NLGN1: variants seen among roughly 807,000 people sequenced by gnomAD.
The protein encoded by NLGN1 is neuroligin-1.
In NLGN1, 12 loss-of-function variants were observed where a neutral mutation model predicts 65.5. The ratio of observed to expected loss-of-function variants is 0.18; its 90% CI spans 0.12 to 0.30. NLGN1 has a LOEUF of 0.30. Among genes scored for constraint, NLGN1 ranks in the 10% least tolerant of loss-of-function variants. The pLI, the probability that NLGN1 is intolerant of heterozygous loss-of-function variation, is 1.00. For missense variants in NLGN1, 750 were observed against 1,007.1 expected, an observed-to-expected ratio of 0.74 and a Z score of 3.46; for synonymous variants, 350 against 359.5, an observed-to-expected ratio of 0.97 and a Z score of 0.30.
chr3:173,627,289 T>G (rs917592515), intron 3 of NLGN1, among the ~76,000 whole-genome samples: 1 of 152,180 alleles, frequency 6.6e-6, no homozygotes, highest in Non-Finnish European at 1.5e-5. Flanking sequence ...CACATATCAA[T>G]GAGGTCACAC....
At chr3:173,698,849 T>A (rs1249469311) in intron 3 of NLGN1, among the ~76,000 whole-genome samples, 5 of 151,258 alleles carry the variant, frequency 3.3e-5, no homozygotes, top group African/African-American at 7.2e-5. Context: ...AACAGGAATT[T>A]TTTTTGTTGT....
chr3:173,798,594 G>A (rs1714693373), intron 3 of NLGN1, among the ~76,000 whole-genome samples: 1 of 152,040 alleles, frequency 6.6e-6, no homozygotes, highest in Admixed American at 6.6e-5. Flanking sequence ...GTACATTTCT[G>A]TGAACTTGCA....
At chr3:174,021,999 G>A (rs1241523399) in intron 4 of NLGN1, among the ~76,000 whole-genome samples, 4 of 152,066 alleles carry the variant, frequency 2.6e-5, no homozygotes, top group African/African-American at 9.7e-5. Context: ...TGAGAAGAGG[G>A]TTCAGTTGTG....
chr3:173,413,159 A>G (rs929751716), intron 1 of NLGN1, among the ~76,000 whole-genome samples: 4 of 152,082 alleles, frequency 2.6e-5, no homozygotes, highest in African/African-American at 4.8e-5. Flanking sequence ...CGATGGACTA[A>G]GGAAGTCGGG....
At chr3:173,927,143 A>T (rs1187570244) in intron 4 of NLGN1, among the ~76,000 whole-genome samples, 1 of 152,014 alleles carries the variant, frequency 6.6e-6, no homozygotes, top group Non-Finnish European at 1.5e-5. Context: ...GGCTCACTGC[A>T]ACCTACACCT....
intron 4 of NLGN1, among the ~76,000 whole-genome samples, chr3:174,052,344 A>G (rs190572049): frequency 6.6e-6 from 1 of 152,122 alleles, no homozygotes; most frequent in East Asian, 1.9e-4. Flanking sequence ...ATTAATTATT[A>G]TATTTTCCCT....
chr3:173,794,079 C>G (rs1018594480), intron 3 of NLGN1, among the ~76,000 whole-genome samples: 2 of 151,934 alleles, frequency 1.3e-5, no homozygotes. Context: ...TTTCTTTCCC[C>G]GAAATCTTCT....
chr3:173,615,785 A>T (rs1001812899), intron 3 of NLGN1, among the ~76,000 whole-genome samples: 1 of 151,374 alleles, frequency 6.6e-6, no homozygotes, highest in Non-Finnish European at 1.5e-5. Context: ...TACCTATACA[A>T]ATCTCTTTAA....
At chr3:173,727,075 A>G (rs1268547578) in intron 3 of NLGN1, among the ~76,000 whole-genome samples, 2 of 152,142 alleles carry the variant, frequency 1.3e-5, no homozygotes, top group Non-Finnish European at 2.9e-5. Flanking sequence ...GGCAGCGTCT[A>G]TCAATTGAGA....
intron 4 of NLGN1, among the ~76,000 whole-genome samples, chr3:174,199,357 T>C (rs1270616550): frequency 1.3e-5 from 2 of 151,736 alleles, no homozygotes; most frequent in Non-Finnish European, 2.9e-5. Context: ...TTTTAAGTGT[T>C]TGATCAATGT....
chr3:173,472,769 G>A (rs1446419128), intron 2 of NLGN1, among the ~76,000 whole-genome samples: 1 of 152,052 alleles, frequency 6.6e-6, no homozygotes, highest in Non-Finnish European at 1.5e-5. Flanking sequence ...TGCGACTATA[G>A]CATCTTTTTT....
intron 2 of NLGN1, among the ~76,000 whole-genome samples, chr3:173,489,252 AG>A (rs1418986223): frequency 6.6e-6 from 1 of 150,558 alleles, no homozygotes; most frequent in Admixed American, 6.6e-5. Flanking sequence ...ACCCCACAAC[AG>A]GCCCCAGTGT....
At chr3:173,720,216 C>A (rs1178668882) in intron 3 of NLGN1, among the ~76,000 whole-genome samples, 8 of 152,138 alleles carry the variant, frequency 5.3e-5, no homozygotes, top group Non-Finnish European at 1.0e-4. Flanking sequence ...TAAACAAAAT[C>A]TTTATTTTTA....
chr3:174,290,222 G>T (rs190987792), downstream of NLGN1, among the ~76,000 whole-genome samples: 1 of 150,672 alleles, frequency 6.6e-6, no homozygotes, highest in Non-Finnish European at 1.5e-5. Context: ...TTTGTCTACC[G>T]TATTTCATGA....
intron 4 of NLGN1, among the ~76,000 whole-genome samples, chr3:174,110,904 C>T (rs1715061667): frequency 6.6e-6 from 1 of 151,846 alleles, no homozygotes; most frequent in Admixed American, 6.6e-5. Flanking sequence ...AGAGAACAAT[C>T]TCTCTATGGC....
intron 1 of NLGN1, among the ~76,000 whole-genome samples, chr3:173,410,367 C>T (rs1712275453): frequency 6.6e-6 from 1 of 152,230 alleles, no homozygotes; most frequent in African/African-American, 2.4e-5. Flanking sequence ...TCACGTATTT[C>T]CTAAGCACTG....
chr3:174,145,526 G>GA (rs146959793), intron 4 of NLGN1, among the ~76,000 whole-genome samples: 2,198 of 151,028 alleles, frequency 0.015, 62 homozygotes, highest in African/African-American at 0.049. Flanking sequence ...AAAAGAAAAA[G>GA]AAAAAAAACA....
intron 3 of NLGN1, among the ~76,000 whole-genome samples, chr3:173,709,391 A>G (rs71310556): frequency 0.2 from 30,106 of 152,148 alleles, 3,149 homozygotes; most frequent in Admixed American, 0.24. Flanking sequence ...CATTGACAAA[A>G]AACAGTCAAA....
At chr3:173,691,080 A>G (rs906041469) in intron 3 of NLGN1, among the ~76,000 whole-genome samples, 2 of 152,118 alleles carry the variant, frequency 1.3e-5, no homozygotes, top group Non-Finnish European at 2.9e-5. Flanking sequence ...TGTGATTAGG[A>G]GTCTGAATTA....
Sources: allele counts gnomAD v4.1 joint callset (sites outside exome capture counted in the v4.1 genomes callset), GRCh38; gene constraint gnomAD v4.1.1; transcripts MANE v1.5; gene names NCBI Gene and HGNC (gene_info 2026-07-23, HGNC 2026-07-21).